The following EMC1 variants were observed in gnomAD, a reference collection of about 807,000 sequenced individuals.
EMC1 encodes the protein KIAA0090.
Under a neutral mutation model 128.8 loss-of-function variants are expected in EMC1, and 103 were observed. That is an observed-to-expected ratio of 0.80 (90% CI 0.68 to 0.94). The LOEUF is 0.94. Among genes scored for constraint, EMC1 ranks in the 40% least tolerant of loss-of-function variants. The probability of loss-of-function intolerance (pLI) is 0.00; values close to 1 mark genes in which losing one functional copy is unlikely to be tolerated. For missense variants in EMC1, 1,083 were observed against 1,250.6 expected (o/e 0.87, Z 2.02); for synonymous variants, 442 against 490.4 (o/e 0.90, Z 1.30).
chr1:19,241,250 T>A (rs941454711), intron 5 of EMC1, 108 bp from the exon 6 acceptor site: 3 of 1,335,600 alleles, frequency 2.2e-6, no homozygotes. Context: ...AATTCCCAAA[T>A]AGGTTTTGTT....
intron 1 of EMC1, among the ~76,000 whole-genome samples, chr1:19,248,609 G>A (rs769036503): frequency 2.6e-5 from 4 of 151,904 alleles, no homozygotes; most frequent in Non-Finnish European, 4.4e-5. Flanking sequence ...TAGGAGAGAC[G>A]GGGTTTCACC....
At chr1:19,230,386 C>T (rs537030671) in intron 17 of EMC1, among the ~76,000 whole-genome samples, 5 of 150,678 alleles carry the variant, frequency 3.3e-5, no homozygotes, top group Middle Eastern at 3.2e-3. Context: ...CTGGCCAACA[C>T]AGCAAAGCCC....
At position 19,244,971 on chromosome 1, in the gene EMC1, T is replaced by C. The variant is rs201537299; in HGVS notation, c.155A>G (p.Lys52Arg). The C allele has an allele frequency of 3.0e-5, 48 of 1,614,002 alleles. No individual in the cohort carries two copies. In the East Asian group the frequency reaches 1.1e-3, roughly 36 times the overall value. Residue 52 changes from lysine to arginine, a missense_variant, in exon 2 of 23, where the codon AAG becomes AGG. Coordinates refer to ENST00000477853, the MANE Select transcript of EMC1 (RefSeq NM_015047.3). ...CTTCTCTGTGGCTACAACCAACTTC[T>C]TGGATCCAGGGGAAAATTCCAAGGA... ...FASLEFSPGS[K>R]KLVVATEKNV...
rs1316711797 is a variant in EMC1, at chr1:19,245,632, T to TTTTTTTTTC, written c.96-603_96-602insGAAAAAAAA. On this transcript the variant is annotated intron_variant, in intron 1 of 22. Coordinates refer to ENST00000477853, the MANE Select transcript of EMC1 (RefSeq NM_015047.3). ...CAAAAGGGCACCTTACCTTTCTTTT[T>TTTTTTTTTC]TTTTTTTTTGAGACGAAGTCTCACT... Among the ~76,000 whole-genome samples the TTTTTTTTTC allele has an allele frequency of 3.0e-4, 43 of 145,152 alleles. 3 individuals are homozygous for TTTTTTTTTC. In the East Asian group the frequency reaches 9.0e-3, roughly 30 times the overall value.
rs2093516350 is a variant in EMC1 at position 19,230,918 on chromosome 1, C to T, written c.1990G>A (p.Glu664Lys). ...ATRNVLRQLH[E>K]LAPSIFFYLV... The stretch of plus-strand genomic sequence containing the variant: ...TAGAAGAAGATGGAAGGGGCAAGCT[C>T]ATGTAGCTGTCGCAAGACATTCCGA... The change falls in exon 17 of 23, where the codon GAG becomes AAG. Residue 664 changes from glutamate (E) to lysine (K), a missense_variant. By Grantham distance (56) the Glu-to-Lys change is moderately conservative (BLOSUM62 1). Transcript: ENST00000477853. 6.8e-6 allele frequency: 11 copies of T among 1,614,182 alleles called. No homozygotes were observed. Among genetic ancestry groups the T allele is most frequent in the Non-Finnish European group, 9.3e-6 (11 of 1,180,032 alleles).
intron 4 of EMC1, 24 bp downstream of exon 4, chr1:19,243,590 G>C (rs761329227): frequency 1.3e-6 from 2 of 1,596,400 alleles, no homozygotes; most frequent in Middle Eastern, 1.7e-4. Flanking sequence ...ACTCAGTCAA[G>C]ATAAAATCCA....
At chr1:19,250,175 G>A (rs187458679) in intron 1 of EMC1, among the ~76,000 whole-genome samples, 7 of 131,404 alleles carry the variant, frequency 5.3e-5, no homozygotes, top group East Asian at 2.3e-4. Flanking sequence ...CCATGAGATC[G>A]CGCCATTACA....
chr1:19,222,764 T>C lies in EMC1; in HGVS notation c.2447A>G (p.Gln816Arg). 6.2e-7 allele frequency: 1 copy of C among 1,614,156 alleles called. No individual in the cohort carries two copies. Among genetic ancestry groups the C allele is most frequent in the Non-Finnish European group, 8.5e-7 (1 of 1,179,996 alleles). Residue 816 changes from glutamine to arginine, a missense_variant, in exon 20 of 23, where the codon CAA (glutamine) becomes CGA (arginine). This residue lies in a region of EMC1 where 527 missense variants were observed against 644.1 expected (regional missense o/e 0.82). Coordinates refer to ENST00000477853, the MANE Select transcript of EMC1 (RefSeq NM_015047.3). ...GGAGCTGAAGGCGGTGGCGTTGTATTGCTCAGTGCCCTCATAGAGCTCCAG... is the reference window on the plus strand; with the variant it reads ...GGAGCTGAAGGCGGTGGCGTTGTATCGCTCAGTGCCCTCATAGAGCTCCAG... ...TVLELYEGTE[Q>R]YNATAFSSLD...
At chr1:19,244,093 T>G in intron 2 of EMC1, 78 bp from the exon 3 acceptor site, 2 of 1,397,900 alleles carry the variant, frequency 1.4e-6, no homozygotes, top group Non-Finnish European at 2.0e-6. Flanking sequence ...TGAAGAGCTC[T>G]TCATTTGCAC....
chr1:19,220,737 C>T, intron 21 of EMC1, 27 bp downstream of exon 21: 1 of 1,569,406 alleles, frequency 6.4e-7, no homozygotes, highest in Non-Finnish European at 8.7e-7. Flanking sequence ...AGGTCAGAGC[C>T]TTCAGCACTG....
At chr1:19,247,626 A>G (rs2093637482) in intron 1 of EMC1, among the ~76,000 whole-genome samples, 1 of 152,266 alleles carries the variant, frequency 6.6e-6, no homozygotes, top group African/African-American at 2.4e-5. Context: ...CAATGATAAT[A>G]AATGACTGTG....
At chr1:19,246,299 AG>A (rs1374615062) in intron 1 of EMC1, among the ~76,000 whole-genome samples, 1 of 151,988 alleles carries the variant, frequency 6.6e-6, no homozygotes, top group African/African-American at 2.4e-5. Flanking sequence ...CTGAGGCAAA[AG>A]AATCGCTTGA....
intron 1 of EMC1, among the ~76,000 whole-genome samples, chr1:19,247,047 A>C (rs2093634888): frequency 6.6e-6 from 1 of 152,236 alleles, no homozygotes; most frequent in Non-Finnish European, 1.5e-5. Flanking sequence ...TTTGCAAGCC[A>C]ATGAGCGAGG....
At chr1:19,223,762 G>A (rs2093450031) in intron 18 of EMC1, among the ~76,000 whole-genome samples, 193 bp from the exon 19 acceptor site, 1 of 152,124 alleles carries the variant, frequency 6.6e-6, no homozygotes, top group African/African-American at 2.4e-5. Flanking sequence ...GCCATGCCAG[G>A]TACCTTGTAT....
intron 8 of EMC1, chr1:19,239,526 A>G: frequency 1.7e-6 from 1 of 587,698 alleles, no homozygotes; most frequent in Non-Finnish European, 3.0e-6. Flanking sequence ...TCAATCTTAA[A>G]TCCCATGCTG....
In EMC1 at chr1:19,235,208, C is replaced by T; in HGVS notation, c.1354G>A (p.Val452Met). The T allele has an allele frequency of 6.2e-7, 1 of 1,613,912 alleles. No individual in the cohort carries two copies. Residue 452 changes from valine to methionine, a missense_variant, in exon 13 of 23, where the codon GTG (valine) becomes ATG (methionine). Val to Met is a conservative substitution (Grantham distance 21). Around this residue, in one of 3 missense-constraint regions of EMC1, gnomAD observed 544 missense variants for 572.4 expected, o/e 0.95. Coordinates refer to ENST00000477853, the MANE Select transcript of EMC1 (RefSeq NM_015047.3). The stretch of plus-strand genomic sequence containing the variant: ...AGGTCCACCATCTCTAGGCACACCA[C>T]TTCTGCCAGGGACTCCTCACGGCTC... ...LWSREESLAE[V>M]VCLEMVDLPL...
intron 17 of EMC1, 28 bp from the exon 18 acceptor site, chr1:19,227,478 T>A (rs1486831529): frequency 6.2e-7 from 1 of 1,613,772 alleles, no homozygotes; most frequent in Non-Finnish European, 8.5e-7. Context: ...AAGCCTGTAA[T>A]CAGGAGGGTA....
At chr1:19,222,305 T>A (rs980805126) in intron 20 of EMC1, among the ~76,000 whole-genome samples, 6 of 151,034 alleles carry the variant, frequency 4.0e-5, no homozygotes, top group East Asian at 2.0e-4. Flanking sequence ...CCAAAAAAAA[T>A]TTTTTTAATT....
At position 19,218,786 on chromosome 1, in the gene EMC1, A is replaced by G. The variant is rs74056793; in HGVS notation, c.*517T>C. 9.7e-3 allele frequency: 1,524 copies of G among 156,520 alleles called. 21 individuals are homozygous for G. The highest frequency in any genetic ancestry group is 0.034 in the African/African-American group (1,430 of 41,594). 9.7% of individuals were successfully genotyped at this position (156,520 alleles called of 1,614,324 possible). A position where few individuals can be genotyped will look rare whatever the true frequency, so the allele number is the denominator to read the frequency against. On this transcript the variant is annotated 3_prime_UTR_variant, in exon 23 of 23. Transcript: ENST00000477853. ...GAGGCTGGATCAGTCCTCAAGCCTC[A>G]GCTAAGGATGGATCCTATTTCTTCC...
Sources: allele counts gnomAD v4.1 joint callset (sites outside exome capture counted in the v4.1 genomes callset), GRCh38; gene constraint gnomAD v4.1.1; regional missense constraint gnomAD v4.1.1; transcripts MANE v1.5; gene names NCBI Gene and HGNC (gene_info 2026-07-23, HGNC 2026-07-21).